CHST8: variants seen among roughly 807,000 people sequenced by gnomAD.
The protein encoded by CHST8 is carbohydrate sulfotransferase 8, also known as GALNAC-4-ST1.
CHST8 carries 10 observed loss-of-function variants against 15.0 expected under a neutral mutation model. That is an observed-to-expected ratio of 0.67 (90% CI 0.41 to 1.13). The LOEUF is 1.13. Among genes scored for constraint, CHST8 ranks in the 50% most tolerant of loss-of-function variants. The pLI is 0.00. For missense variants in CHST8, 634 were observed against 608.2 expected (o/e 1.04, Z -0.45); for synonymous variants, 259 against 256.6 (o/e 1.01, Z -0.09).
chr19:33,662,571 G>C (rs1332421690), intron 1 of CHST8, among the ~76,000 whole-genome samples: 1 of 152,206 alleles, frequency 6.6e-6, no homozygotes, highest in East Asian at 1.9e-4. Context: ...AATGCTGTGA[G>C]GGGGTGCCTG....
chr19:33,649,733 C>T (rs984365414), intron 1 of CHST8, among the ~76,000 whole-genome samples: 7 of 152,226 alleles, frequency 4.6e-5, no homozygotes, highest in Middle Eastern at 3.4e-3. Context: ...CTCTGTAAAC[C>T]GGCCAGAACC....
At chr19:33,709,428 T>A (rs899301535) in intron 3 of CHST8, among the ~76,000 whole-genome samples, 1 of 152,222 alleles carries the variant, frequency 6.6e-6, no homozygotes, top group Non-Finnish European at 1.5e-5. Flanking sequence ...AATTTAACCA[T>A]GAATAGGTGT....
At position 33,635,630 on chromosome 19, in the gene CHST8, T is replaced by G. The variant is rs139880943; in HGVS notation, c.-164+13334T>G. Reference sequence around the variant, plus strand: ...TGGGTGGGGGGGTGACAACACCTCATGGACCACTCAGCATGAGCTCCGTCC... The same window carrying G: ...TGGGTGGGGGGGTGACAACACCTCAGGGACCACTCAGCATGAGCTCCGTCC... On this transcript the variant is annotated intron_variant, in intron 1 of 4. Coordinates refer to ENST00000650847, the MANE Select transcript of CHST8 (RefSeq NM_001127895.2). Among the ~76,000 whole-genome samples, 455 of 152,172 alleles carry G rather than the reference T, an allele frequency of 3.0e-3. 5 individuals carry two copies. Among genetic ancestry groups the G allele is most frequent in the East Asian group, 0.017 (88 of 5,168 alleles).
intron 3 of CHST8, among the ~76,000 whole-genome samples, chr19:33,716,620 G>A (rs1025421263): frequency 3.3e-5 from 5 of 152,114 alleles, no homozygotes; most frequent in African/African-American, 9.7e-5. Flanking sequence ...CTCCCGCACT[G>A]GCCTCTCAAG....
intron 1 of CHST8, among the ~76,000 whole-genome samples, chr19:33,651,980 A>T (rs755677137): frequency 4.6e-5 from 7 of 152,084 alleles, no homozygotes; most frequent in Non-Finnish European, 1.0e-4. Context: ...TGCTTAATTT[A>T]TCAACATCAG....
intron 3 of CHST8, among the ~76,000 whole-genome samples, chr19:33,752,057 A>T (rs1303345712): frequency 5.3e-5 from 8 of 152,208 alleles, no homozygotes; most frequent in African/African-American, 1.9e-4. Flanking sequence ...TTTCCTGCCC[A>T]GGGGTTGGAG....
intron 1 of CHST8, among the ~76,000 whole-genome samples, chr19:33,632,089 G>C (rs1214632293): frequency 6.6e-6 from 1 of 152,054 alleles, no homozygotes; most frequent in African/African-American, 2.4e-5. Context: ...AGCCCCACTG[G>C]CCAGTGTCCC....
chr19:33,624,829 G>A (rs554043821), intron 1 of CHST8, among the ~76,000 whole-genome samples: 4 of 152,356 alleles, frequency 2.6e-5, no homozygotes, highest in African/African-American at 9.6e-5. Context: ...GAAATTTTTA[G>A]TGAGTGCGGC....
At chr19:33,737,692 T>TGTCCTCCTAG (rs1410054827) in intron 3 of CHST8, among the ~76,000 whole-genome samples, 1 of 152,184 alleles carries the variant, frequency 6.6e-6, no homozygotes, top group Non-Finnish European at 1.5e-5. Context: ...AAAGCATGGC[T>TGTCCTCCTAG]GTCCTCCTAG....
chr19:33,684,596 T>A lies in CHST8; in HGVS notation c.-86-4580T>A, dbSNP rs184148202. The stretch of plus-strand genomic sequence containing the variant: ...AGAGCGGTTTTAATTAGCTGCAGGA[T>A]TTTTAATGAGCTGAAATCAAGAAGA... On this transcript the variant is annotated intron_variant, in intron 2 of 4. Coordinates refer to ENST00000650847, the MANE Select transcript of CHST8 (RefSeq NM_001127895.2). 3 of 152,428 alleles carry A rather than the reference T, an allele frequency of 2.0e-5. No homozygotes were observed. In the East Asian group the frequency reaches 5.8e-4, roughly 29 times the overall value. The allele number at this position is 152,428 out of a possible 1,614,324, so 9.4% of individuals were successfully genotyped here.
At chr19:33,710,311 T>G (rs1973523588) in intron 3 of CHST8, among the ~76,000 whole-genome samples, 1 of 152,246 alleles carries the variant, frequency 6.6e-6, no homozygotes. Context: ...TTTTGTCTGT[T>G]GTTTTCCTGC....
rs1326305807 is a variant in CHST8 at position 33,622,020 on chromosome 19, G to A, written c.-440G>A. The A allele has an allele frequency of 6.6e-6, 1 of 152,298 alleles. No individual in the cohort carries two copies. Among genetic ancestry groups the A allele is most frequent in the East Asian group, 2.0e-4 (1 of 5,128 alleles). 9.4% of individuals were successfully genotyped at this position (152,298 alleles called of 1,614,324 possible). ...GTGCTGCGGGGAGGAGAGAGGACGAGGCGGCGGCGGCAGCAGGAGGTGGGG... is the reference window on the plus strand; with the variant it reads ...GTGCTGCGGGGAGGAGAGAGGACGAAGCGGCGGCGGCAGCAGGAGGTGGGG... On this transcript the variant is annotated 5_prime_UTR_variant, in exon 1 of 5. Transcript: ENST00000650847.
chr19:33,700,125 C>A (rs915939488), intron 3 of CHST8, among the ~76,000 whole-genome samples: 2 of 152,214 alleles, frequency 1.3e-5, no homozygotes, highest in African/African-American at 4.8e-5. Flanking sequence ...CCTGCCCCTC[C>A]AGTTTCCATG....
At chr19:33,742,574 C>G (rs1323007822) in intron 3 of CHST8, among the ~76,000 whole-genome samples, 1 of 152,176 alleles carries the variant, frequency 6.6e-6, no homozygotes, top group Non-Finnish European at 1.5e-5. Flanking sequence ...AAACACCCCA[C>G]CAGACTCCAC....
intron 3 of CHST8, among the ~76,000 whole-genome samples, chr19:33,723,019 A>G (rs1007655680): frequency 2.0e-5 from 3 of 152,228 alleles, no homozygotes; most frequent in African/African-American, 7.2e-5. Flanking sequence ...AGACAACGTC[A>G]GAGGCTCCCC....
intron 3 of CHST8, among the ~76,000 whole-genome samples, chr19:33,749,058 G>C (rs906458303): frequency 1.3e-5 from 2 of 152,156 alleles, no homozygotes; most frequent in Non-Finnish European, 2.9e-5. Flanking sequence ...GCAGCAAGGG[G>C]GGCCCCCAGC....
intron 3 of CHST8, among the ~76,000 whole-genome samples, chr19:33,715,749 C>T (rs970788608): frequency 1.3e-5 from 2 of 152,212 alleles, no homozygotes; most frequent in African/African-American, 4.8e-5. Context: ...GCCTCTGCCT[C>T]CTATCCCTCC....
At chr19:33,739,547 T>C (rs79591328) in intron 3 of CHST8, among the ~76,000 whole-genome samples, 42 of 152,336 alleles carry the variant, frequency 2.8e-4, no homozygotes, top group Middle Eastern at 3.4e-3. Context: ...AAGTCACTTA[T>C]TTACTTTTTG....
At chr19:33,750,378 C>T (rs1029634536) in intron 3 of CHST8, among the ~76,000 whole-genome samples, 1 of 152,200 alleles carries the variant, frequency 6.6e-6, no homozygotes, top group South Asian at 2.1e-4. Context: ...TGCTCAGTCC[C>T]CTCTGGGGCT....
Sources: gnomAD v4.1 joint callset for allele counts (sites outside exome capture counted in the v4.1 genomes callset) on GRCh38, gnomAD v4.1.1 for gene constraint, MANE v1.5 for transcripts, NCBI Gene and HGNC (gene_info 2026-07-23, HGNC 2026-07-21) for gene names.